The following CIMIP6 variants were observed in gnomAD, a reference collection of about 807,000 sequenced individuals.
CIMIP6 encodes ciliary microtubule inner protein 6.
At chr2:54,330,930 C>T in the CIMIP6 span, 1 of 1,601,198 alleles carries the variant, frequency 6.2e-7, no homozygotes, top group East Asian at 2.2e-5. Context: ...GGCTGCGTCC[C>T]TGTTCTTCCC....
the CIMIP6 span, among the ~76,000 whole-genome samples, chr2:54,380,171 G>C: frequency 1.2e-3 from 188 of 151,998 alleles, 1 homozygote; most frequent in Admixed American, 2.6e-3. Flanking sequence ...AAGAAGGAAG[G>C]AAAATAAATG....
the CIMIP6 span, among the ~76,000 whole-genome samples, chr2:54,331,690 A>G: frequency 3.3e-5 from 5 of 152,060 alleles, no homozygotes; most frequent in Non-Finnish European, 5.9e-5. Context: ...CGAGACACAC[A>G]GAATCAGAAA....
chr2:54,335,019 A>G, the CIMIP6 span: 1 of 1,595,790 alleles, frequency 6.3e-7, no homozygotes, highest in Non-Finnish European at 8.5e-7. Context: ...AGGGCCAGAA[A>G]TACAGGTTGG....
the CIMIP6 span, chr2:54,339,864 G>A: frequency 3.2e-6 from 1 of 312,094 alleles, no homozygotes; most frequent in East Asian, 1.5e-4. Context: ...TACTTCACTT[G>A]CTTTTTACTA....
At chr2:54,384,183 A>G in the CIMIP6 span, among the ~76,000 whole-genome samples, 1 of 152,204 alleles carries the variant, frequency 6.6e-6, no homozygotes, top group African/African-American at 2.4e-5. Flanking sequence ...AAACCTCTCA[A>G]GTAAATACTA....
chr2:54,346,283 G>T, the CIMIP6 span, among the ~76,000 whole-genome samples: 2 of 152,130 alleles, frequency 1.3e-5, no homozygotes, highest in Non-Finnish European at 2.9e-5. Flanking sequence ...TAGAAGAGAA[G>T]AAGGGTGCTA....
At chr2:54,383,355 A>G in the CIMIP6 span, 1 of 152,274 alleles carries the variant, frequency 6.6e-6, no homozygotes, top group East Asian at 1.9e-4. Context: ...TGTCATAAAC[A>G]GATAACTAAC....
At chr2:54,344,566 GAGTC>G in the CIMIP6 span, among the ~76,000 whole-genome samples, 1 of 152,166 alleles carries the variant, frequency 6.6e-6, no homozygotes, top group Middle Eastern at 3.2e-3. Flanking sequence ...GGGTAGGAGA[GAGTC>G]AGAGAGTTAC....
chr2:54,361,622 G>A, the CIMIP6 span: 3 of 152,188 alleles, frequency 2.0e-5, no homozygotes, highest in African/African-American at 7.2e-5. Flanking sequence ...GGGACTTCTA[G>A]TTCTTGCCAC....
the CIMIP6 span, among the ~76,000 whole-genome samples, chr2:54,376,221 T>C: frequency 1.4e-5 from 2 of 147,226 alleles, no homozygotes; most frequent in South Asian, 2.2e-4. Flanking sequence ...TTTTTTTTTT[T>C]TGGGTAGAGA....
chr2:54,355,407 C>A, the CIMIP6 span, among the ~76,000 whole-genome samples: 1 of 152,056 alleles, frequency 6.6e-6, no homozygotes, highest in African/African-American at 2.4e-5. Flanking sequence ...CATGCAAGTG[C>A]CTCCTTAAAG....
chr2:54,337,783 G>C, the CIMIP6 span, among the ~76,000 whole-genome samples: 2 of 152,284 alleles, frequency 1.3e-5, no homozygotes, highest in Middle Eastern at 3.4e-3. Flanking sequence ...TGGTGAAAGT[G>C]AGTTTGAGAT....
At chr2:54,372,205 C>T in the CIMIP6 span, among the ~76,000 whole-genome samples, 352 of 152,174 alleles carry the variant, frequency 2.3e-3, 2 homozygotes, top group Non-Finnish European at 1.5e-3. Flanking sequence ...GCAGTGGAGC[C>T]GATCTTCAAG....
the CIMIP6 span, among the ~76,000 whole-genome samples, chr2:54,355,165 A>G: frequency 1.4e-5 from 2 of 139,610 alleles, no homozygotes; most frequent in Admixed American, 1.4e-4. Context: ...AAAAAAATTA[A>G]TTATCTTGTG....
At chr2:54,381,663 A>G in the CIMIP6 span, among the ~76,000 whole-genome samples, 411 of 152,334 alleles carry the variant, frequency 2.7e-3, 1 homozygote, top group African/African-American at 8.5e-3. Context: ...CCTGAAATCT[A>G]TGATTTTATG....
chr2:54,336,656 G>T, the CIMIP6 span, among the ~76,000 whole-genome samples: 1 of 152,206 alleles, frequency 6.6e-6, no homozygotes, highest in African/African-American at 2.4e-5. Flanking sequence ...TAAGGGAATA[G>T]ATCAAACAAG....
chr2:54,332,319 T>C, the CIMIP6 span, among the ~76,000 whole-genome samples: 191 of 152,358 alleles, frequency 1.3e-3, 1 homozygote, highest in Middle Eastern at 0.014. Context: ...ACAGACTATA[T>C]AATTTACTTT....
the CIMIP6 span, among the ~76,000 whole-genome samples, chr2:54,358,216 A>G: frequency 1.3e-5 from 2 of 152,232 alleles, no homozygotes; most frequent in African/African-American, 2.4e-5. Context: ...CAGCAGCCCT[A>G]GAGTCTTCCA....
At chr2:54,369,281 A>T in the CIMIP6 span, among the ~76,000 whole-genome samples, 1 of 152,116 alleles carries the variant, frequency 6.6e-6, no homozygotes, top group Non-Finnish European at 1.5e-5. Flanking sequence ...ATTTTGACTC[A>T]TACCATCTAA....
Sources: gnomAD v4.1 joint callset for allele counts (sites outside exome capture counted in the v4.1 genomes callset) on GRCh38, gnomAD v4.1.1 for gene constraint, MANE v1.5 for transcripts, NCBI Gene and HGNC (gene_info 2026-07-23, HGNC 2026-07-21) for gene names.